Variants in SRP54 observed in about 807,000 individuals in gnomAD.
The protein encoded by SRP54 is signal recognition particle 54, also known as signal recognition particle subunit SRP54.
A neutral mutation model predicts 64.8 loss-of-function variants in SRP54; 10 were observed. That is an observed-to-expected ratio of 0.15 (90% CI 0.10 to 0.26). The LOEUF is 0.26. Ranked by LOEUF, SRP54 falls within the 10% of genes least tolerant of loss-of-function variation. SRP54 has a pLI of 1.00. For missense variants in SRP54, 325 were observed against 613.7 expected, an observed-to-expected ratio of 0.53 and a Z score of 4.97; for synonymous variants, 193 against 185.6, an observed-to-expected ratio of 1.04 and a Z score of -0.32.
At chr14:35,008,884 C>CG in intron 7 of SRP54, 53 bp downstream of exon 7, 2 of 676,430 alleles carry the variant, frequency 3.0e-6, no homozygotes, top group Admixed American at 4.3e-5. Context: ...TGTCTGTCAG[C>CG]TTTTTTTTTT....
chr14:35,007,757 G>T (rs1393732714), intron 5 of SRP54, among the ~76,000 whole-genome samples: 2 of 114,258 alleles, frequency 1.8e-5, no homozygotes, highest in African/African-American at 6.1e-5. Context: ...ACATAAAATA[G>T]ATTTTATTAA....
rs546462666 is a variant in SRP54 at position 35,026,715 on chromosome 14, C to T, written c.1328-1373C>T. On this transcript the variant is annotated intron_variant, in intron 14 of 15. Coordinates refer to ENST00000216774, the MANE Select transcript of SRP54 (RefSeq NM_003136.4). ...ATCCCAGCACTTTGGGAGGCCAAGG[C>T]GGGCAGATCATGAGGTCAAGAGATC... 1.1e-4 allele frequency among the ~76,000 whole-genome samples: 17 copies of T among 152,244 alleles called. No homozygotes were observed. The South Asian group carries it at 3.1e-3, about 28-fold the overall frequency.
chr14:35,001,551 G>A (rs12893346), intron 4 of SRP54, among the ~76,000 whole-genome samples: 2 of 152,102 alleles, frequency 1.3e-5, no homozygotes, highest in South Asian at 2.1e-4. Flanking sequence ...GCCAAGATGC[G>A]ATGAGTGAAA....
In SRP54 at chr14:34,992,651, G is replaced by A. The variant is rs907611706; in HGVS notation, c.-33-4026G>A. On this transcript the variant is annotated intron_variant, in intron 1 of 15. Transcript: ENST00000216774. The stretch of plus-strand genomic sequence containing the variant: ...AGACCATTCCAAAATGGAAGAGTTT[G>A]GGAGAAGACTGAGGATTGAAAAAGT... 2.6e-5 allele frequency among the ~76,000 whole-genome samples: 4 copies of A among 152,082 alleles called. No individual in the cohort carries two copies. The South Asian group carries it at 6.2e-4, about 24-fold the overall frequency.
At chr14:35,014,213 G>A (rs2044400671) in intron 10 of SRP54, among the ~76,000 whole-genome samples, 1 of 151,682 alleles carries the variant, frequency 6.6e-6, no homozygotes, top group Non-Finnish European at 1.5e-5. Flanking sequence ...TAGAGAGCAT[G>A]GAATTTGGAG....
chr14:34,993,743 G>A (rs1160380294), intron 1 of SRP54, among the ~76,000 whole-genome samples: 1 of 151,952 alleles, frequency 6.6e-6, no homozygotes, highest in Admixed American at 6.6e-5. Flanking sequence ...TGCCCAGGCT[G>A]GAGTGCAATG....
intron 13 of SRP54, among the ~76,000 whole-genome samples, chr14:35,020,980 C>G (rs987657467): frequency 1.3e-5 from 2 of 152,094 alleles, no homozygotes; most frequent in East Asian, 1.9e-4. Context: ...CGATGTGCTG[C>G]TATTAGTTTA....
chr14:35,007,623 T>A (rs10146461), intron 5 of SRP54, among the ~76,000 whole-genome samples: 3 of 122,402 alleles, frequency 2.5e-5, no homozygotes, highest in South Asian at 5.5e-4. Flanking sequence ...ATATATTTTA[T>A]TAAAATATAT....
chr14:35,004,086 T>TAA (rs550751190), intron 4 of SRP54, among the ~76,000 whole-genome samples: 1 of 135,434 alleles, frequency 7.4e-6, no homozygotes, highest in Non-Finnish European at 1.6e-5. Flanking sequence ...CTCTACTAAA[T>TAA]AAAAAAAAAA....
intron 1 of SRP54, among the ~76,000 whole-genome samples, chr14:34,987,420 A>G (rs1594975052): frequency 6.6e-6 from 1 of 151,810 alleles, no homozygotes; most frequent in Non-Finnish European, 1.5e-5. Flanking sequence ...AAGAAACCCC[A>G]TACCTATTAG....
intron 1 of SRP54, among the ~76,000 whole-genome samples, chr14:34,996,173 G>A (rs78626751): frequency 0.012 from 1,769 of 152,176 alleles, 17 homozygotes; most frequent in Non-Finnish European, 0.018. Flanking sequence ...CGATATAGCT[G>A]ATAGCTGAAC....
At chr14:35,006,233 A>G (rs2044255569) in intron 4 of SRP54, among the ~76,000 whole-genome samples, 1 of 152,208 alleles carries the variant, frequency 6.6e-6, no homozygotes, top group South Asian at 2.1e-4. Context: ...ATTTTTTACT[A>G]GCCCTCTAAA....
Position 34,999,539 on chromosome 14 carries a change from T to C in SRP54, c.79-19T>C. The C allele has an allele frequency of 6.3e-7, 1 of 1,583,320 alleles. No homozygotes were observed. Among genetic ancestry groups the C allele is most frequent in the South Asian group, 1.1e-5 (1 of 89,470 alleles). On this transcript the variant is annotated intron_variant, in intron 2 of 15. Transcript: ENST00000216774. The stretch of plus-strand genomic sequence containing the variant: ...GAAACATTGGGTGCTTTAAATTTCA[T>C]TTATTTCTTTATTTTCAGGTATTGA...
intron 13 of SRP54, among the ~76,000 whole-genome samples, chr14:35,020,878 A>G (rs12590905): frequency 0.35 from 52,524 of 152,024 alleles, 9,675 homozygotes; most frequent in East Asian, 0.69. Flanking sequence ...AAGTTGAGTA[A>G]TTTGCCCAGT....
At chr14:34,988,212 G>A (rs1209052518) in intron 1 of SRP54, among the ~76,000 whole-genome samples, 2 of 152,046 alleles carry the variant, frequency 1.3e-5, no homozygotes, top group African/African-American at 4.8e-5. Flanking sequence ...GATTCAGCAT[G>A]AAAAACAGTT....
intron 11 of SRP54, among the ~76,000 whole-genome samples, chr14:35,018,086 T>C (rs2044471529): frequency 6.6e-6 from 1 of 152,202 alleles, no homozygotes; most frequent in Admixed American, 6.5e-5. Flanking sequence ...GTCTCAGTGA[T>C]AGAGCACAAC....
chr14:34,990,050 A>G (rs2043957390), intron 1 of SRP54, among the ~76,000 whole-genome samples: 1 of 152,160 alleles, frequency 6.6e-6, no homozygotes, highest in Admixed American at 6.6e-5. Flanking sequence ...ACACTGCAGC[A>G]AGTAAGTGTG....
chr14:35,013,378 C>G lies in SRP54; in HGVS notation c.669C>G (p.Ala223=), dbSNP rs2044386592. 1 of 1,613,908 alleles carries G rather than the reference C, an allele frequency of 6.2e-7. No individual in the cohort carries two copies. The highest frequency in any genetic ancestry group is 1.3e-5 in the African/African-American group (1 of 75,018). ...QPDNIVYVMD[A]SIGQACEAQA... ...ATAACATTGTTTATGTGATGGATGC[C>G]TCCATTGGGCAGGCTTGTGAAGCCC... Residue 223 remains alanine, a synonymous_variant, in exon 9 of 16, where the codon GCC becomes GCG. Transcript: ENST00000216774.
chr14:35,019,700 A>G (rs2044495063), intron 13 of SRP54, among the ~76,000 whole-genome samples: 1 of 152,148 alleles, frequency 6.6e-6, no homozygotes, highest in Admixed American at 6.5e-5. Flanking sequence ...CATGCCTCAG[A>G]GATACTGTGG....
Sources: allele counts gnomAD v4.1 joint callset (sites outside exome capture counted in the v4.1 genomes callset), GRCh38; gene constraint gnomAD v4.1.1; transcripts MANE v1.5; gene names NCBI Gene and HGNC (gene_info 2026-07-23, HGNC 2026-07-21).